PLD5: variants seen among roughly 807,000 people sequenced by gnomAD.
PLD5 encodes the protein phospholipase D family member 5, also known as inactive phospholipase D5.
In PLD5, 36 loss-of-function variants were observed where a neutral mutation model predicts 61.1. That is an observed-to-expected ratio of 0.59 (90% confidence interval 0.45 to 0.78). PLD5 has a LOEUF of 0.78. PLD5 is among the 30% of genes least tolerant of loss of function. The pLI is 0.00. For missense variants in PLD5, 515 were observed against 644.4 expected, an observed-to-expected ratio of 0.80 and a Z score of 2.17; for synonymous variants, 243 against 242.8, an observed-to-expected ratio of 1.00 and a Z score of -0.01.
chr1:242,524,960 G>A (rs965240625), upstream of PLD5, among the ~76,000 whole-genome samples: 16 of 151,990 alleles, frequency 1.1e-4, no homozygotes, highest in Admixed American at 1.0e-3. Context: ...GCGCCTCCTC[G>A]GTCCTGCTGG....
intron 1 of PLD5, among the ~76,000 whole-genome samples, chr1:242,419,621 G>A (rs577375370): frequency 1.7e-5 from 2 of 120,870 alleles, no homozygotes; most frequent in Non-Finnish European, 3.2e-5. Context: ...CACTATGTTG[G>A]TCAGATTGGT....
At chr1:242,467,935 A>G (rs1667327217) in intron 1 of PLD5, among the ~76,000 whole-genome samples, 1 of 151,724 alleles carries the variant, frequency 6.6e-6, no homozygotes, top group African/African-American at 2.4e-5. Context: ...CCCCAAAGCA[A>G]TATCTCTATG....
chr1:242,179,674 G>T (rs1052429983), intron 5 of PLD5, among the ~76,000 whole-genome samples: 1 of 152,102 alleles, frequency 6.6e-6, no homozygotes, highest in Admixed American at 6.6e-5. Context: ...AGGCCGAGGC[G>T]GGCAGATCAC....
chr1:242,100,116 A>C (rs1194086240), intron 9 of PLD5, among the ~76,000 whole-genome samples: 8 of 152,236 alleles, frequency 5.3e-5, no homozygotes, highest in South Asian at 2.1e-4. Flanking sequence ...TCTCTTCTAC[A>C]CTTCACCCAA....
At chr1:242,337,866 T>G (rs890400089) in intron 2 of PLD5, among the ~76,000 whole-genome samples, 22 of 152,274 alleles carry the variant, frequency 1.4e-4, no homozygotes, top group African/African-American at 5.1e-4. Flanking sequence ...TGCAAACATA[T>G]CGCTGCATCC....
At chr1:242,437,318 A>G (rs1372310959) in intron 1 of PLD5, among the ~76,000 whole-genome samples, 1 of 152,126 alleles carries the variant, frequency 6.6e-6, no homozygotes, top group Admixed American at 6.5e-5. Flanking sequence ...ACTTTATGAC[A>G]ATGGCACCGA....
intron 1 of PLD5, among the ~76,000 whole-genome samples, chr1:242,517,945 A>G (rs940813250): frequency 6.6e-6 from 1 of 152,088 alleles, no homozygotes; most frequent in Non-Finnish European, 1.5e-5. Flanking sequence ...TCCTCATGTT[A>G]TTGCTGGATC....
intron 1 of PLD5, among the ~76,000 whole-genome samples, chr1:242,494,008 CA>C (rs1452131860): frequency 6.6e-6 from 1 of 152,040 alleles, no homozygotes; most frequent in African/African-American, 2.4e-5. Flanking sequence ...TATCTTTCAC[CA>C]TCTCTAATAA....
At chr1:242,302,631 A>G (rs922082828) in intron 2 of PLD5, among the ~76,000 whole-genome samples, 2 of 152,216 alleles carry the variant, frequency 1.3e-5, no homozygotes, top group African/African-American at 4.8e-5. Flanking sequence ...AGGCAGGAGG[A>G]TTGCTTGAAC....
intron 1 of PLD5, among the ~76,000 whole-genome samples, chr1:242,499,510 C>T (rs890430327): frequency 1.3e-5 from 2 of 152,040 alleles, no homozygotes; most frequent in East Asian, 1.9e-4. Flanking sequence ...TGATTATGTC[C>T]GTGGCCTTTG....
intron 5 of PLD5, among the ~76,000 whole-genome samples, chr1:242,183,803 T>C (rs60134291): frequency 6.6e-6 from 1 of 151,512 alleles, no homozygotes; most frequent in Non-Finnish European, 1.5e-5. Context: ...TCTGAGGCAG[T>C]AGAATGGCGT....
intron 5 of PLD5, among the ~76,000 whole-genome samples, chr1:242,185,055 C>T (rs554269316): frequency 2.1e-4 from 32 of 152,258 alleles, no homozygotes; most frequent in Middle Eastern, 3.4e-3. Flanking sequence ...AAAACAATGC[C>T]GGAAGACTTG....
intron 9 of PLD5, among the ~76,000 whole-genome samples, chr1:242,094,238 C>A (rs181316870): frequency 6.6e-6 from 1 of 151,944 alleles, no homozygotes; most frequent in Non-Finnish European, 1.5e-5. Flanking sequence ...CAAGAGAGCT[C>A]GCTGGGAAGG....
chr1:242,267,211 AAGGGAG>A (rs1673741752), intron 3 of PLD5, among the ~76,000 whole-genome samples: 1 of 149,750 alleles, frequency 6.7e-6, no homozygotes, highest in African/African-American at 2.5e-5. Context: ...GGGAAAGGGA[AAGGGAG>A]AAACTGAAGA....
chr1:242,143,059 C>T (rs1282832526), intron 5 of PLD5, among the ~76,000 whole-genome samples: 1 of 150,634 alleles, frequency 6.6e-6, no homozygotes, highest in East Asian at 2.0e-4. Context: ...ACAGAGTCTC[C>T]CTTGGTTGCC....
intron 1 of PLD5, among the ~76,000 whole-genome samples, chr1:242,353,238 A>C (rs3964164): frequency 0.83 from 125,934 of 152,118 alleles, 53,140 homozygotes; most frequent in South Asian, 0.9. Flanking sequence ...TTGCATATGA[A>C]TATCCAGTTT....
At chr1:242,128,403 C>T (rs1279703198) in intron 5 of PLD5, among the ~76,000 whole-genome samples, 3 of 138,504 alleles carry the variant, frequency 2.2e-5, no homozygotes, top group Non-Finnish European at 4.4e-5. Context: ...TTTGCCCTCT[C>T]TACTGAGGCT....
Position 242,100,603 on chromosome 1 carries a change from G to C in PLD5, c.1354+65C>G, listed in dbSNP as rs532134031. The C allele has an allele frequency of 6.7e-6, 8 of 1,197,342 alleles. No homozygotes were observed. The South Asian group carries it at 9.9e-5, about 15-fold the overall frequency. 74.2% of individuals were successfully genotyped at this position (1,197,342 alleles called of 1,614,324 possible). The stretch of plus-strand genomic sequence containing the variant: ...CTTCCTCACCAGGGGATACCGTGGA[G>C]CACAGCTGGACTACCACTCCCTGGG... On this transcript the variant is annotated intron_variant, in intron 9 of 9. Coordinates refer to ENST00000536534, the MANE Select transcript of PLD5 (RefSeq NM_001372062.1).
At chr1:242,469,556 G>A (rs890228887) in intron 1 of PLD5, among the ~76,000 whole-genome samples, 25 of 152,090 alleles carry the variant, frequency 1.6e-4, no homozygotes, top group Non-Finnish European at 2.5e-4. Flanking sequence ...TGTGGCCCAG[G>A]CTGGGGTGCA....
Sources: gnomAD v4.1 joint callset for allele counts (sites outside exome capture counted in the v4.1 genomes callset) on GRCh38, gnomAD v4.1.1 for gene constraint, MANE v1.5 for transcripts, NCBI Gene and HGNC (gene_info 2026-07-23, HGNC 2026-07-21) for gene names.